NTRK3: variants seen among roughly 807,000 people sequenced by gnomAD.
NTRK3 encodes the protein neurotrophic receptor tyrosine kinase 3, also known as NT-3 growth factor receptor.
Under a neutral mutation model 91.7 loss-of-function variants are expected in NTRK3, and 24 were observed. The ratio of observed to expected loss-of-function variants is 0.26; its 90% confidence interval spans 0.19 to 0.37. The LOEUF (loss-of-function observed/expected upper bound fraction) is 0.37, where lower values mean the gene tolerates loss of function less well. Ranked by LOEUF, NTRK3 falls within the 10% of genes least tolerant of loss-of-function variation. The pLI is 1.00. For synonymous variants in NTRK3, 483 were observed against 404.0 expected, an observed-to-expected ratio of 1.20 and a Z score of -2.34; for missense variants, 880 against 1,068.9, an observed-to-expected ratio of 0.82 and a Z score of 2.46.
At chr15:87,871,527 G>A (rs376416021) in exon 19 of NTRK3, 1 of 230,556 alleles carries the variant, frequency 4.3e-6, no homozygotes, top group African/African-American at 2.2e-5. Flanking sequence ...AGATGTGATA[G>A]AAATGACTCC....
chr15:88,103,498 T>C (rs2050383479), intron 13 of NTRK3, among the ~76,000 whole-genome samples: 1 of 152,170 alleles, frequency 6.6e-6, no homozygotes, highest in Admixed American at 6.5e-5. Context: ...CATGATTTTT[T>C]CTGATTCACC....
intron 5 of NTRK3, among the ~76,000 whole-genome samples, chr15:88,160,048 G>A (rs897205879): frequency 3.3e-5 from 5 of 151,518 alleles, no homozygotes; most frequent in African/African-American, 1.2e-4. Flanking sequence ...CTAGAAACCA[G>A]AGAAAGTGAG....
In NTRK3 at chr15:88,125,258, A is replaced by T. The variant is rs1597451227; in HGVS notation, c.1396+1013T>A. Among the ~76,000 whole-genome samples the T allele has an allele frequency of 3.9e-5, 6 of 152,316 alleles. 1 individual carries two copies. Among genetic ancestry groups the T allele is most frequent in the Admixed American group, 3.9e-4 (6 of 15,310 alleles). ...CGGTTCCATGCGCAAACACTCCAAC[A>T]TTTGCATACAACTCAGAGGATCACC... On this transcript the variant is annotated intron_variant, in intron 13 of 18. Coordinates refer to ENST00000394480, the Ensembl canonical transcript of NTRK3.
chr15:88,149,436 C>T (rs1037052883), intron 5 of NTRK3, among the ~76,000 whole-genome samples: 1 of 152,186 alleles, frequency 6.6e-6, no homozygotes, highest in Non-Finnish European at 1.5e-5. Flanking sequence ...CTAGGATAGT[C>T]CCCATGGCCC....
At chr15:87,863,974 T>TACACACACACACACACATACACAC (rs1199179523) in exon 19 of NTRK3, 1 of 202,308 alleles carries the variant, frequency 4.9e-6, no homozygotes, top group African/African-American at 2.5e-5. Flanking sequence ...CCAGGCAAAA[T>TACACACACACACACACATACACAC]ACACACACAC....
chr15:88,226,632 C>T (rs968134049), intron 3 of NTRK3, among the ~76,000 whole-genome samples: 5 of 152,264 alleles, frequency 3.3e-5, no homozygotes, highest in Non-Finnish European at 7.3e-5. Context: ...AGGGGGAGCA[C>T]TGAGCCATCT....
chr15:88,016,862 T>A (rs1214670467), intron 14 of NTRK3, among the ~76,000 whole-genome samples: 1 of 151,906 alleles, frequency 6.6e-6, no homozygotes, highest in Non-Finnish European at 1.5e-5. Flanking sequence ...GGGGATATTT[T>A]TTTTTCTTTC....
At chr15:87,956,860 C>T (rs1045122853) in intron 14 of NTRK3, among the ~76,000 whole-genome samples, 17 of 152,334 alleles carry the variant, frequency 1.1e-4, no homozygotes, top group Admixed American at 3.9e-4. Flanking sequence ...GTGTGAGCCA[C>T]GCTGCTCTGT....
chr15:88,132,686 G>C (rs985530969), intron 10 of NTRK3, among the ~76,000 whole-genome samples: 1 of 152,184 alleles, frequency 6.6e-6, no homozygotes, highest in African/African-American at 2.4e-5. Context: ...TAGCTGGGGT[G>C]AGTTCGGTTT....
intron 13 of NTRK3, 55 bp downstream of exon 13, chr15:88,126,216 A>G: frequency 7.7e-7 from 1 of 1,290,966 alleles, no homozygotes; most frequent in African/African-American, 1.5e-5. Flanking sequence ...TCTTTTGATC[A>G]AAAGCAGTAA....
exon 19 of NTRK3, chr15:87,868,061 T>C (rs1008572201): frequency 8.6e-6 from 2 of 231,574 alleles, no homozygotes; most frequent in African/African-American, 2.2e-5. Flanking sequence ...ATCACACATG[T>C]GATGCACACT....
intron 15 of NTRK3, among the ~76,000 whole-genome samples, chr15:87,940,076 T>A (rs1032326799): frequency 1.3e-5 from 2 of 152,164 alleles, no homozygotes; most frequent in African/African-American, 4.8e-5. Context: ...CTGAAACCCA[T>A]GGGAAGTACC....
chr15:88,181,357 T>G (rs951059025), intron 5 of NTRK3, among the ~76,000 whole-genome samples: 16 of 152,080 alleles, frequency 1.1e-4, no homozygotes, highest in Non-Finnish European at 2.2e-4. Context: ...AAAGAGACAG[T>G]GGGTCACAGC....
At chr15:88,139,395 C>T (rs150066577) in intron 6 of NTRK3, among the ~76,000 whole-genome samples, 24 of 151,740 alleles carry the variant, frequency 1.6e-4, no homozygotes, top group African/African-American at 3.1e-4. Context: ...TTGGGCACAC[C>T]GCACTAAGAC....
intron 14 of NTRK3, 115 bp downstream of exon 14, chr15:88,032,742 T>C (rs2078664584): frequency 8.8e-7 from 1 of 1,141,716 alleles, no homozygotes. Flanking sequence ...TCTTAGAAAG[T>C]GGGAGGTTGG....
At chr15:88,078,773 C>T (rs1314455856) in intron 13 of NTRK3, among the ~76,000 whole-genome samples, 4 of 152,312 alleles carry the variant, frequency 2.6e-5, no homozygotes, top group East Asian at 1.9e-4. Context: ...CCTGGGGAAG[C>T]GACACTCCAG....
At chr15:87,899,979 C>T (rs1056558838) in intron 17 of NTRK3, among the ~76,000 whole-genome samples, 1 of 152,116 alleles carries the variant, frequency 6.6e-6, no homozygotes, top group African/African-American at 2.4e-5. Context: ...TGGGATTTGT[C>T]TTTGAGTCAT....
At chr15:88,093,824 G>A (rs973007396) in intron 13 of NTRK3, among the ~76,000 whole-genome samples, 1 of 152,122 alleles carries the variant, frequency 6.6e-6, no homozygotes, top group Non-Finnish European at 1.5e-5. Flanking sequence ...AAGCGGGGGG[G>A]TTGCTATAAA....
chr15:87,916,497 A>C (rs757057087), intron 17 of NTRK3: 41 of 701,932 alleles, frequency 5.8e-5, no homozygotes, highest in Non-Finnish European at 9.6e-5. Context: ...AACGTCTCAG[A>C]ATTTTCTTAT....
Sources: allele counts gnomAD v4.1 joint callset (sites outside exome capture counted in the v4.1 genomes callset), GRCh38; gene constraint gnomAD v4.1.1; transcripts MANE v1.5; gene names NCBI Gene and HGNC (gene_info 2026-07-23, HGNC 2026-07-21).